IGF2BP1: variants seen among roughly 807,000 people sequenced by gnomAD.
The protein encoded by IGF2BP1 is insulin-like growth factor 2 mRNA-binding protein 1.
IGF2BP1 carries 11 observed loss-of-function variants against 74.9 expected under a neutral mutation model. The ratio of observed to expected loss-of-function variants is 0.15; its 90% CI spans 0.09 to 0.24. The LOEUF is 0.24. Among genes scored for constraint, IGF2BP1 ranks in the 10% least tolerant of loss-of-function variants. The pLI, the probability that IGF2BP1 is intolerant of heterozygous loss-of-function variation, is 1.00. For synonymous variants in IGF2BP1, 287 were observed against 281.8 expected, an observed-to-expected ratio of 1.02 and a Z score of -0.18; for missense variants, 440 against 757.4, an observed-to-expected ratio of 0.58 and a Z score of 4.92.
rs946212464 is a variant in IGF2BP1, at chr17:49,008,788, C to T, written c.236+9619C>T. On this transcript the variant is annotated intron_variant, in intron 2 of 14. Transcript: ENST00000290341. ...AAAAATATATATTTACAATGAAATG[C>T]CATGGGAGAAAACATTTAACAAGAT... 4.6e-5 allele frequency among the ~76,000 whole-genome samples: 7 copies of T among 151,946 alleles called. 1 individual carries two copies. Among genetic ancestry groups the T allele is most frequent in the African/African-American group, 1.7e-4 (7 of 41,342 alleles).
intron 14 of IGF2BP1, among the ~76,000 whole-genome samples, chr17:49,046,660 TATGTAA>T (rs2042110795): frequency 6.7e-6 from 1 of 149,102 alleles, no homozygotes; most frequent in African/African-American, 2.5e-5. Flanking sequence ...ATATATATTA[TATGTAA>T]ATATATATAT....
At chr17:49,040,525 T>C (rs1398670973) in intron 7 of IGF2BP1, among the ~76,000 whole-genome samples, 1 of 152,232 alleles carries the variant, frequency 6.6e-6, no homozygotes, top group African/African-American at 2.4e-5. Flanking sequence ...TCCCTTCTTA[T>C]TCCTGTCGTA....
intron 12 of IGF2BP1, 70 bp downstream of exon 12, chr17:49,045,135 A>G (rs2042096327): frequency 7.3e-7 from 1 of 1,360,944 alleles, no homozygotes; most frequent in Non-Finnish European, 1.0e-6. Flanking sequence ...CTGAGGTAGG[A>G]AAAAGGCTGG....
Position 49,055,456 on chromosome 17 carries a change from C to G in IGF2BP1, c.*6012C>G, listed in dbSNP as rs886307487. 47 of 376,126 alleles carry G rather than the reference C, an allele frequency of 1.2e-4. No individual in the cohort carries two copies. Among genetic ancestry groups the G allele is most frequent in the Non-Finnish European group, 2.0e-4 (43 of 212,476 alleles). 23.3% of individuals were successfully genotyped at this position (376,126 alleles called of 1,614,324 possible). A position where few individuals can be genotyped will look rare whatever the true frequency, so the allele number is the denominator to read the frequency against. ...CTGTCCCCCCTCCCCTGCCAATAAGCTCCCCCAGGAATAAAGGCTTTGTTT... is the reference window on the plus strand; with the variant it reads ...CTGTCCCCCCTCCCCTGCCAATAAGGTCCCCCAGGAATAAAGGCTTTGTTT... On this transcript the variant is annotated 3_prime_UTR_variant, in exon 15 of 15. Coordinates refer to ENST00000290341, the MANE Select transcript of IGF2BP1 (RefSeq NM_006546.4).
rs891761578 is a variant in IGF2BP1, at chr17:49,053,831, C to T, written c.*4387C>T. The T allele has an allele frequency of 2.0e-5, 3 of 152,636 alleles. No individual in the cohort carries two copies. The highest frequency in any genetic ancestry group is 2.9e-5 in the Non-Finnish European group (2 of 68,054). The allele number at this position is 152,636 out of a possible 1,614,324, so 9.5% of individuals were successfully genotyped here. ...CAGGGGTGGGGGTTCTCCTTTCTTT[C>T]CCCTGAAGTGTTTATGGGGAGATCC... On this transcript the variant is annotated 3_prime_UTR_variant, in exon 15 of 15. Transcript: ENST00000290341.
intron 5 of IGF2BP1, among the ~76,000 whole-genome samples, chr17:49,035,442 A>AT (rs2041975051): frequency 6.6e-6 from 1 of 152,224 alleles, no homozygotes; most frequent in Non-Finnish European, 1.5e-5. Flanking sequence ...TAGAACTAAG[A>AT]TTGGAATACT....
In IGF2BP1 at chr17:49,000,696, T is replaced by C. The variant is rs770841922; in HGVS notation, c.236+1527T>C. ...TCTAAAATATGTGGATTTTTTCTTT[T>C]GCTCTTGAGGATGGTTTAAATTTTA... is the stretch of plus-strand genomic sequence containing the variant. On this transcript the variant is annotated intron_variant, in intron 2 of 14. Transcript: ENST00000290341. 1.2e-4 allele frequency among the ~76,000 whole-genome samples: 18 copies of C among 152,248 alleles called. 1 individual carries two copies. The highest frequency in any genetic ancestry group is 2.0e-4 in the Admixed American group (3 of 15,286).
At chr17:49,045,862 C>T in intron 12 of IGF2BP1, 28 bp from the exon 13 acceptor site, 3 of 1,609,238 alleles carry the variant, frequency 1.9e-6, no homozygotes, top group Non-Finnish European at 1.7e-6. Flanking sequence ...ATATGAACCA[C>T]TGATTAACAA....
intron 5 of IGF2BP1, among the ~76,000 whole-genome samples, chr17:49,032,884 C>G (rs1051701477): frequency 1.3e-5 from 2 of 151,104 alleles, no homozygotes; most frequent in Non-Finnish European, 3.0e-5. Context: ...GGCATGATAT[C>G]TGCTCACTGC....
At chr17:49,028,874 C>A (rs1028518261) in intron 4 of IGF2BP1, among the ~76,000 whole-genome samples, 1 of 152,156 alleles carries the variant, frequency 6.6e-6, no homozygotes, top group African/African-American at 2.4e-5. Context: ...GTGGTGCGAT[C>A]TTGGCTCATT....
chr17:48,999,182 T>A lies in IGF2BP1; in HGVS notation c.236+13T>A. On this transcript the variant is annotated intron_variant, in intron 2 of 14. Transcript: ENST00000290341. ...CCAAAAAACAAAGGTAGGAAAGAGC[T>A]CTTTTCGGGGGGGGTGGGGGGGCCG... 2.7e-6 allele frequency: 2 copies of A among 728,940 alleles called. No homozygotes were observed. The highest frequency in any genetic ancestry group is 2.2e-6 in the Non-Finnish European group (1 of 448,740). The allele number at this position is 728,940 out of a possible 1,614,324, so 45.2% of individuals were successfully genotyped here.
In IGF2BP1 at chr17:49,043,708, T is replaced by C. The variant is rs112793864; in HGVS notation, c.1200+158T>C. ...CCTCCTCTCCAGTGCTCCTAGCCAC[T>C]GGCTCTGAGGCTCCCAAATGTCTGC... On this transcript the variant is annotated intron_variant, in intron 10 of 14. Coordinates refer to ENST00000290341, the MANE Select transcript of IGF2BP1 (RefSeq NM_006546.4). 2.3e-3 allele frequency among the ~76,000 whole-genome samples: 346 copies of C among 152,304 alleles called. 1 individual carries two copies. Among genetic ancestry groups the C allele is most frequent in the African/African-American group, 7.9e-3 (327 of 41,568 alleles).
intron 2 of IGF2BP1, among the ~76,000 whole-genome samples, chr17:49,016,007 T>C (rs899227259): frequency 1.3e-5 from 2 of 152,208 alleles, no homozygotes; most frequent in African/African-American, 2.4e-5. Context: ...AGCCGTATGA[T>C]AGGGCACTTA....
Position 49,045,885 on chromosome 17 carries a change from C to G in IGF2BP1, c.1396-5C>G. The stretch of plus-strand genomic sequence containing the variant: ...CACTGATTAACAATTACCTCCTCTT[C>G]TCAGGCTCAGGGAAGAATCTATGGC... On this transcript the variant is annotated splice_polypyrimidine_tract_variant and splice_region_variant and intron_variant, in intron 12 of 14. Transcript: ENST00000290341. 1 of 1,613,302 alleles carries G rather than the reference C, an allele frequency of 6.2e-7. No individual in the cohort carries two copies. The highest frequency in any genetic ancestry group is 1.1e-5 in the South Asian group (1 of 90,986).
intron 2 of IGF2BP1, among the ~76,000 whole-genome samples, chr17:49,000,019 A>G (rs1216924235): frequency 6.6e-6 from 1 of 151,570 alleles, no homozygotes; most frequent in Admixed American, 6.6e-5. Flanking sequence ...GGGTACCTCC[A>G]TCATACTTAC....
At chr17:49,023,958 C>T (rs2041821568) in intron 2 of IGF2BP1, among the ~76,000 whole-genome samples, 1 of 151,362 alleles carries the variant, frequency 6.6e-6, no homozygotes, top group Non-Finnish European at 1.5e-5. Context: ...ATTCTGTTGC[C>T]CAGGCTGCAG....
chr17:49,053,834 C>G lies in IGF2BP1; in HGVS notation c.*4390C>G, dbSNP rs2042195114. ...GGGTGGGGGTTCTCCTTTCTTTCCC[C>G]TGAAGTGTTTATGGGGAGATCCTAG... On this transcript the variant is annotated 3_prime_UTR_variant, in exon 15 of 15. Transcript: ENST00000290341. 1 of 152,658 alleles carries G rather than the reference C, an allele frequency of 6.6e-6. No individual in the cohort carries two copies. The highest frequency in any genetic ancestry group is 1.5e-5 in the Non-Finnish European group (1 of 68,060). 9.5% of individuals were successfully genotyped at this position (152,658 alleles called of 1,614,324 possible).
At chr17:49,039,925 C>T (rs1334931558) in intron 6 of IGF2BP1, 32 bp from the exon 7 acceptor site, 1 of 1,609,900 alleles carries the variant, frequency 6.2e-7, no homozygotes, top group Non-Finnish European at 8.5e-7. Flanking sequence ...TCACTGGGGA[C>T]AACTAACCAG....
chr17:49,014,725 G>A, intron 2 of IGF2BP1: 1 of 976,394 alleles, frequency 1.0e-6, no homozygotes, highest in African/African-American at 1.7e-5. Flanking sequence ...GCCACTTATG[G>A]ACACGCAGAC....
Sources: allele counts gnomAD v4.1 joint callset (sites outside exome capture counted in the v4.1 genomes callset), GRCh38; gene constraint gnomAD v4.1.1; transcripts MANE v1.5; gene names NCBI Gene and HGNC (gene_info 2026-07-23, HGNC 2026-07-21).